SIPA1L2: variants seen among roughly 807,000 people sequenced by gnomAD.
The protein encoded by SIPA1L2 is signal-induced proliferation-associated 1-like protein 2.
A neutral mutation model predicts 163.9 loss-of-function variants in SIPA1L2; 56 were observed. That is an observed-to-expected ratio of 0.34 (90% CI 0.28 to 0.43). The LOEUF (loss-of-function observed/expected upper bound fraction) is 0.43, where lower values mean the gene tolerates loss of function less well. Ranked by LOEUF, SIPA1L2 falls within the 20% of genes least tolerant of loss-of-function variation. The pLI is 1.00. For synonymous variants in SIPA1L2, 877 were observed against 865.7 expected, an observed-to-expected ratio of 1.01 and a Z score of -0.23; for missense variants, 1,974 against 2,193.5, an observed-to-expected ratio of 0.90 and a Z score of 2.00.
intron 15 of SIPA1L2, among the ~76,000 whole-genome samples, chr1:232,436,766 C>T (rs1314184350): frequency 6.6e-6 from 1 of 152,152 alleles, no homozygotes; most frequent in Admixed American, 6.5e-5. Context: ...AAATCCCATC[C>T]CTCCTCCTCG....
chr1:232,517,978 T>C (rs554669589), intron 2 of SIPA1L2, among the ~76,000 whole-genome samples: 2 of 152,182 alleles, frequency 1.3e-5, no homozygotes, highest in Admixed American at 6.5e-5. Flanking sequence ...GCCCAGGAAT[T>C]AGAGGTAGCG....
intron 3 of SIPA1L2, among the ~76,000 whole-genome samples, chr1:232,508,244 C>T (rs1008884099): frequency 4.6e-5 from 7 of 152,124 alleles, no homozygotes; most frequent in Non-Finnish European, 8.8e-5. Context: ...GCTTCATCCT[C>T]CCATCTGGTT....
At chr1:232,551,335 T>C (rs1442027049) in intron 2 of SIPA1L2, among the ~76,000 whole-genome samples, 1 of 152,204 alleles carries the variant, frequency 6.6e-6, no homozygotes. Context: ...GGGGTAGACC[T>C]GAAATACTAC....
chr1:232,430,118 CA>C (rs1662141732), intron 16 of SIPA1L2, among the ~76,000 whole-genome samples: 1 of 152,124 alleles, frequency 6.6e-6, no homozygotes, highest in Admixed American at 6.5e-5. Flanking sequence ...TTAAGCAGGA[CA>C]GGGGGCTTGC....
At chr1:232,564,144 T>C (rs1386368494) in intron 2 of SIPA1L2, among the ~76,000 whole-genome samples, 1 of 64,948 alleles carries the variant, frequency 1.5e-5, no homozygotes, top group Non-Finnish European at 2.7e-5. Context: ...GTTTTTTTTT[T>C]TTTTCGTGTG....
intron 2 of SIPA1L2, among the ~76,000 whole-genome samples, chr1:232,526,024 T>C (rs200992407): frequency 3.9e-4 from 60 of 152,304 alleles, no homozygotes; most frequent in Middle Eastern, 3.4e-3. Context: ...GGAAGTGGGA[T>C]AGACCAAGCT....
chr1:232,542,076 A>C (rs1657719237), intron 2 of SIPA1L2, among the ~76,000 whole-genome samples: 1 of 152,194 alleles, frequency 6.6e-6, no homozygotes, highest in African/African-American at 2.4e-5. Flanking sequence ...CAGCATTTGT[A>C]GTGAATGATG....
chr1:232,510,273 T>C (rs1304200517), intron 3 of SIPA1L2, among the ~76,000 whole-genome samples: 2 of 152,084 alleles, frequency 1.3e-5, no homozygotes, highest in Non-Finnish European at 2.9e-5. Flanking sequence ...TCTAGGATTG[T>C]GTAAGTATAC....
chr1:232,455,508 C>T (rs1490916443), intron 10 of SIPA1L2, among the ~76,000 whole-genome samples: 6 of 151,990 alleles, frequency 3.9e-5, no homozygotes, highest in Non-Finnish European at 5.9e-5. Context: ...AGTGAAACCC[C>T]GTCTCTACTA....
intron 3 of SIPA1L2, among the ~76,000 whole-genome samples, chr1:232,513,179 G>A (rs1035516361): frequency 6.6e-6 from 1 of 152,266 alleles, no homozygotes. Flanking sequence ...GGGATAATTA[G>A]GGACACTTAT....
In SIPA1L2 at chr1:232,515,039, T is replaced by G; in HGVS notation, c.301A>C (p.Ser101Arg). The change falls in exon 3 of 23, where the codon AGC (serine) becomes CGC (arginine). Residue 101 changes from serine to arginine, a missense_variant. This residue lies in a region of SIPA1L2 where 607 missense variants were observed against 624.0 expected (regional missense o/e 0.97). Coordinates refer to ENST00000674635, the MANE Select transcript of SIPA1L2 (RefSeq NM_020808.5). ...CTTTCATAACTGGTCTGAGACCGGCTTTCCCACAGTGCCTTGCATGTTAGC... is the reference window on the plus strand; with the variant it reads ...CTTTCATAACTGGTCTGAGACCGGCGTTCCCACAGTGCCTTGCATGTTAGC... Reference protein sequence around the residue: ...KELTCKALWESRSQTSYESIT... With the variant: ...KELTCKALWERRSQTSYESIT... The G allele has an allele frequency of 6.2e-7, 1 of 1,614,174 alleles. No individual in the cohort carries two copies. The highest frequency in any genetic ancestry group is 8.5e-7 in the Non-Finnish European group (1 of 1,180,034).
At chr1:232,462,439 G>A (rs1664289501) in intron 9 of SIPA1L2, 5 of 1,329,664 alleles carry the variant, frequency 3.8e-6, no homozygotes, top group Middle Eastern at 2.5e-4. Flanking sequence ...ACTGGGGCTG[G>A]TTCATGTATC....
rs1379914646 is a variant in SIPA1L2, at chr1:232,465,597, T to C, written c.2244-181A>G. On this transcript the variant is annotated intron_variant, in intron 8 of 22. Coordinates refer to ENST00000674635, the MANE Select transcript of SIPA1L2 (RefSeq NM_020808.5). This position sits in a 1 kb window ranked among gnomAD's most constrained non-coding sequence, Gnocchi z 4.1. ...TGGTTTATTCTGCAAGTTCTTGTTC[T>C]CCTAATTGCTGCATACCCAGGGTTT... 6.6e-6 allele frequency among the ~76,000 whole-genome samples: 1 copy of C among 151,932 alleles called. No individual in the cohort carries two copies. Among genetic ancestry groups the C allele is most frequent in the African/African-American group, 2.4e-5 (1 of 41,290 alleles).
rs145398854 is a variant in SIPA1L2 at position 232,447,175 on chromosome 1, G to A, written c.3096-1389C>T. Among the ~76,000 whole-genome samples the A allele has an allele frequency of 3.3e-4, 51 of 152,298 alleles. No individual in the cohort carries two copies. In the East Asian group the frequency reaches 8.9e-3, roughly 27 times the overall value. ...TCATTTAACATTTTTTAGATGTTGAGATGATAGTATTTTGGAGATATAAAG... is the reference window on the plus strand; with the variant it reads ...TCATTTAACATTTTTTAGATGTTGAAATGATAGTATTTTGGAGATATAAAG... On this transcript the variant is annotated intron_variant, in intron 10 of 22. Transcript: ENST00000674635.
intron 1 of SIPA1L2, among the ~76,000 whole-genome samples, chr1:232,614,401 T>C (rs971071939): frequency 1.3e-5 from 2 of 152,154 alleles, no homozygotes; most frequent in Admixed American, 6.6e-5. Flanking sequence ...AGAAACACCA[T>C]CCTCAGAATT....
rs754749237 is a variant in SIPA1L2 at position 232,432,408 on chromosome 1, T to A, written c.4095A>T (p.Ser1365=). The A allele has an allele frequency of 1.2e-6, 2 of 1,614,246 alleles. No individual in the cohort carries two copies. The highest frequency in any genetic ancestry group is 2.2e-5 in the South Asian group (2 of 91,092). The change falls in exon 16 of 23, where the codon TCA becomes TCT. Residue 1365 remains serine, a synonymous_variant. Coordinates refer to ENST00000674635, the MANE Select transcript of SIPA1L2 (RefSeq NM_020808.5). ...HCSKSSGSLD[S]SKVYIVSHSS... ...TGTGAGACACGATGTAGACTTTGGA[T>A]GAATCCAGAGACCCACTACTTTTTG...
chr1:232,404,017 C>T, intron 20 of SIPA1L2, 108 bp downstream of exon 20: 3 of 1,264,216 alleles, frequency 2.4e-6, no homozygotes, highest in East Asian at 2.3e-5. Context: ...TCCCGCTGTG[C>T]ACCCCCAACC....
In SIPA1L2 at chr1:232,572,754, T is replaced by TAC. The variant is rs1558277626; in HGVS notation, c.-270+1419_-270+1420insGT. 5.4e-4 allele frequency among the ~76,000 whole-genome samples: 63 copies of TAC among 116,014 alleles called. 2 individuals are homozygous for TAC. Among genetic ancestry groups the TAC allele is most frequent in the Admixed American group, 1.2e-3 (13 of 10,676 alleles). 76.1% of individuals were successfully genotyped at this position (116,014 alleles called of 152,430 possible). On this transcript the variant is annotated intron_variant, in intron 2 of 22. Transcript: ENST00000674635. Reference sequence around the variant, plus strand: ...ACATACATACATATATATATATATATATATATATATATATATATATATATA... The same window carrying TAC: ...ACATACATACATATATATATATATATACATATATATATATATATATATATATA...
intron 1 of SIPA1L2, among the ~76,000 whole-genome samples, chr1:232,588,331 G>A (rs910001644): frequency 6.6e-6 from 1 of 152,164 alleles, no homozygotes; most frequent in Admixed American, 6.5e-5. Flanking sequence ...GCCCATTTTC[G>A]AGGAAAACAG....
Sources: allele counts gnomAD v4.1 joint callset (sites outside exome capture counted in the v4.1 genomes callset), GRCh38; gene constraint gnomAD v4.1.1; regional missense constraint gnomAD v4.1.1; non-coding constraint Gnocchi (gnomAD v3.1); transcripts MANE v1.5; gene names NCBI Gene and HGNC (gene_info 2026-07-23, HGNC 2026-07-21).